The following UNC5D variants were observed in gnomAD, a reference collection of about 807,000 sequenced individuals.
UNC5D encodes the protein netrin receptor UNC5D.
UNC5D carries 39 observed loss-of-function variants against 105.4 expected under a neutral mutation model. That is an observed-to-expected ratio of 0.37 (90% CI 0.29 to 0.48). The LOEUF (loss-of-function observed/expected upper bound fraction) is 0.48. Ranked by LOEUF, UNC5D falls within the 20% of genes least tolerant of loss-of-function variation. UNC5D has a pLI of 0.98. For missense variants in UNC5D, 991 were observed against 1,202.4 expected (o/e 0.82, Z 2.60); for synonymous variants, 452 against 450.4 (o/e 1.00, Z -0.04).
At chr8:35,679,947 G>A (rs1423626705) in intron 4 of UNC5D, among the ~76,000 whole-genome samples, 3 of 152,150 alleles carry the variant, frequency 2.0e-5, no homozygotes, top group Admixed American at 6.5e-5. Context: ...GGTGGCACAG[G>A]ACATGGCATC....
At chr8:35,320,845 T>C (rs1029288859) in intron 1 of UNC5D, among the ~76,000 whole-genome samples, 8 of 152,132 alleles carry the variant, frequency 5.3e-5, no homozygotes, top group East Asian at 1.9e-4. Flanking sequence ...ATTCAGTTGA[T>C]TGGGGGGCTT....
chr8:35,581,244 T>A (rs951876173), intron 3 of UNC5D, among the ~76,000 whole-genome samples: 2 of 152,084 alleles, frequency 1.3e-5, no homozygotes, highest in Admixed American at 6.6e-5. Flanking sequence ...TGAGGCCTCT[T>A]CCCTCCATAA....
chr8:35,697,823 A>G (rs913264173), intron 7 of UNC5D, among the ~76,000 whole-genome samples: 2 of 152,192 alleles, frequency 1.3e-5, no homozygotes, highest in Admixed American at 1.3e-4. Context: ...ATGAGGACTA[A>G]TGAAGCTGAA....
intron 1 of UNC5D, among the ~76,000 whole-genome samples, chr8:35,458,681 G>A (rs912475078): frequency 2.0e-5 from 3 of 152,130 alleles, no homozygotes; most frequent in Admixed American, 6.6e-5. Context: ...GAGGTGCTCC[G>A]AGTGGATATC....
intron 1 of UNC5D, among the ~76,000 whole-genome samples, chr8:35,465,211 C>T (rs541077156): frequency 1.3e-5 from 2 of 152,254 alleles, no homozygotes; most frequent in East Asian, 1.9e-4. Flanking sequence ...GGCAACGTGG[C>T]AAAACACTGT....
At chr8:35,463,223 C>T (rs1374304934) in intron 1 of UNC5D, among the ~76,000 whole-genome samples, 1 of 152,174 alleles carries the variant, frequency 6.6e-6, no homozygotes, top group Admixed American at 6.5e-5. Flanking sequence ...TGCTGTATCC[C>T]AGTATCTGTT....
chr8:35,748,766 C>T (rs112813522), intron 12 of UNC5D, 71 bp downstream of exon 12: 8 of 1,493,156 alleles, frequency 5.4e-6, no homozygotes, highest in Non-Finnish European at 7.2e-6. Context: ...TTAACCTTAA[C>T]ATCTAACACC....
rs1213476665 is a variant in UNC5D, at chr8:35,423,571, G to A, written c.104-125721G>A. Among the ~76,000 whole-genome samples, 4 of 152,178 alleles carry A rather than the reference G, an allele frequency of 2.6e-5. 1 individual carries two copies. In the South Asian group the frequency reaches 6.2e-4, roughly 24 times the overall value. On this transcript the variant is annotated intron_variant, in intron 1 of 16. Transcript: ENST00000404895. ...TTCCTCAGATTTTCAGTGTTTCGGTGTAATAAACAGGAAAATGGCAAAAAC... is the reference window on the plus strand; with the variant it reads ...TTCCTCAGATTTTCAGTGTTTCGGTATAATAAACAGGAAAATGGCAAAAAC...
chr8:35,740,655 G>A (rs538458725), intron 11 of UNC5D, among the ~76,000 whole-genome samples: 61 of 152,244 alleles, frequency 4.0e-4, no homozygotes, highest in African/African-American at 1.4e-3. Flanking sequence ...TTCCCATGCC[G>A]ACATTTTAAT....
At chr8:35,679,248 AAAAAT>A (rs577134318) in intron 4 of UNC5D, among the ~76,000 whole-genome samples, 209 of 152,302 alleles carry the variant, frequency 1.4e-3, no homozygotes, top group Non-Finnish European at 2.4e-3. Context: ...CATTGTGTCA[AAAAAT>A]AAAAAGGAAA....
intron 14 of UNC5D, among the ~76,000 whole-genome samples, chr8:35,766,371 T>C (rs141398204): frequency 1.1e-4 from 16 of 152,264 alleles, no homozygotes; most frequent in Non-Finnish European, 1.8e-4. Flanking sequence ...ATGTGTGTGA[T>C]TTTGCACTGG....
At chr8:35,756,832 A>C (rs2131669742) in intron 13 of UNC5D, among the ~76,000 whole-genome samples, 1 of 152,324 alleles carries the variant, frequency 6.6e-6, no homozygotes, top group Non-Finnish European at 1.5e-5. Flanking sequence ...ATAACACATG[A>C]CCTTGAACAA....
chr8:35,774,473 A>G lies in UNC5D; in HGVS notation c.2653A>G (p.Asn885Asp). The G allele has an allele frequency of 6.2e-7, 1 of 1,613,998 alleles. No individual in the cohort carries two copies. The highest frequency in any genetic ancestry group is 1.1e-5 in the South Asian group (1 of 91,080). Reference protein sequence around the residue: ...WQMLAQKNSINRNLSYFATQS... With the variant: ...WQMLAQKNSIDRNLSYFATQS... ...GATGTTAGCACAGAAAAACAGCATC[A>G]ACAGGTAATTGGGGACAGCTTCTGG... Residue 885 changes from asparagine (N) to aspartate (D), a missense_variant, in exon 16 of 17, where the codon AAC becomes GAC. This residue lies in a region of UNC5D where 944 missense variants were observed against 1,131.6 expected (regional missense o/e 0.83). Transcript: ENST00000404895.
Position 35,697,019 on chromosome 8 carries a change from C to T in UNC5D, c.1085-8910C>T, listed in dbSNP as rs1308465640. ...AACTAGTGTGTTACCTTGGGCAAAT[C>T]TCATAATCTTGCACCTTGTGTCTGT... On this transcript the variant is annotated intron_variant, in intron 7 of 16. Coordinates refer to ENST00000404895, the MANE Select transcript of UNC5D (RefSeq NM_080872.4). Among the ~76,000 whole-genome samples, 8 of 151,998 alleles carry T rather than the reference C, an allele frequency of 5.3e-5. No individual in the cohort carries two copies. In the East Asian group the frequency reaches 1.5e-3, roughly 29 times the overall value.
At position 35,559,356 on chromosome 8, in the gene UNC5D, G is replaced by A. The variant is rs551722014; in HGVS notation, c.323-8742G>A. Among the ~76,000 whole-genome samples the A allele has an allele frequency of 3.3e-5, 5 of 152,282 alleles. No individual in the cohort carries two copies. The East Asian group carries it at 9.7e-4, about 29-fold the overall frequency. On this transcript the variant is annotated intron_variant, in intron 2 of 16. Coordinates refer to ENST00000404895, the MANE Select transcript of UNC5D (RefSeq NM_080872.4). ...CTTCCTTCTTGAATCTATTGGTTCCGGTTGGTAAGCCAAGCATCCTACTAC... is the reference window on the plus strand; with the variant it reads ...CTTCCTTCTTGAATCTATTGGTTCCAGTTGGTAAGCCAAGCATCCTACTAC...
At chr8:35,610,663 A>T (rs911809797) in intron 4 of UNC5D, among the ~76,000 whole-genome samples, 4 of 152,138 alleles carry the variant, frequency 2.6e-5, no homozygotes, top group Admixed American at 2.6e-4. Context: ...AAGAGAAGTG[A>T]GAGAACCGAG....
rs1023959490 is a variant in UNC5D at position 35,372,291 on chromosome 8, G to A, written c.103+136404G>A. Reference sequence around the variant, plus strand: ...GACATGCACTACCATACCTGGTTACGTTTTTGTATTTTTGGTAGAGACAGG... The same window carrying A: ...GACATGCACTACCATACCTGGTTACATTTTTGTATTTTTGGTAGAGACAGG... On this transcript the variant is annotated intron_variant, in intron 1 of 16. Transcript: ENST00000404895. 1.5e-4 allele frequency among the ~76,000 whole-genome samples: 23 copies of A among 151,508 alleles called. 1 individual carries two copies. Among genetic ancestry groups the A allele is most frequent in the South Asian group, 1.3e-3 (6 of 4,794 alleles).
In UNC5D at chr8:35,601,443, C is replaced by T. The variant is rs548332671; in HGVS notation, c.570+5786C>T. Among the ~76,000 whole-genome samples, 17 of 152,212 alleles carry T rather than the reference C, an allele frequency of 1.1e-4. No homozygotes were observed. In the South Asian group the frequency reaches 1.2e-3, roughly 11 times the overall value. ...CTTCTACCCATGAGCATGGAATGTT[C>T]TTCCATTTGTTTGTATCCTCTTTGA... On this transcript the variant is annotated intron_variant, in intron 4 of 16. Transcript: ENST00000404895.
At chr8:35,593,454 C>A (rs1015114998) in intron 3 of UNC5D, among the ~76,000 whole-genome samples, 1 of 152,006 alleles carries the variant, frequency 6.6e-6, no homozygotes, top group Admixed American at 6.6e-5. Flanking sequence ...ACAAAAATAA[C>A]AAACAAACCA....
Sources: allele counts gnomAD v4.1 joint callset (sites outside exome capture counted in the v4.1 genomes callset), GRCh38; gene constraint gnomAD v4.1.1; regional missense constraint gnomAD v4.1.1; transcripts MANE v1.5; gene names NCBI Gene and HGNC (gene_info 2026-07-23, HGNC 2026-07-21).